The following GABRG3 variants were observed in gnomAD, a reference collection of about 807,000 sequenced individuals.
GABRG3 encodes gamma-aminobutyric acid receptor subunit gamma-3.
GABRG3 carries 25 observed loss-of-function variants against 48.8 expected under a neutral mutation model. The ratio of observed to expected loss-of-function variants is 0.51; its 90% CI spans 0.37 to 0.72. The LOEUF (loss-of-function observed/expected upper bound fraction) is 0.72, where lower values mean the gene tolerates loss of function less well. Ranked by LOEUF, GABRG3 falls within the 30% of genes least tolerant of loss-of-function variation. GABRG3 has a pLI of 0.00. For synonymous variants in GABRG3, 227 were observed against 217.6 expected (o/e 1.04, Z -0.38); for missense variants, 394 against 577.9 (o/e 0.68, Z 3.26).
rs746640486 is a variant in GABRG3, at chr15:27,520,096, A to G, written c.837A>G (p.Lys279=). 1.9e-6 allele frequency: 3 copies of G among 1,605,410 alleles called. No individual in the cohort carries two copies. In the East Asian group the frequency reaches 6.7e-5, roughly 36 times the overall value. ...CCTGGGTGTCATTTTGGATCAAAAA[A>G]GATGCTACGCCAGCAAGAACAGCAT... ...VLSWVSFWIK[K]DATPARTALG... Residue 279 remains lysine (K), a synonymous_variant, in exon 7 of 10, where the codon AAA becomes AAG. Coordinates refer to ENST00000615808, the MANE Select transcript of GABRG3 (RefSeq NM_033223.5).
intron 3 of GABRG3, among the ~76,000 whole-genome samples, chr15:27,228,904 T>C (rs143086761): frequency 1.3e-5 from 2 of 152,362 alleles, no homozygotes; most frequent in East Asian, 3.9e-4. Flanking sequence ...CACTTTTTAA[T>C]GGGGTTTTTT....
intron 5 of GABRG3, among the ~76,000 whole-genome samples, chr15:27,403,923 A>C (rs1382315952): frequency 6.4e-5 from 8 of 124,554 alleles, no homozygotes; most frequent in South Asian, 2.7e-4. Flanking sequence ...ACAAAAAAAA[A>C]AAAAACAAAA....
At chr15:27,454,284 A>G (rs146139634) in intron 5 of GABRG3, among the ~76,000 whole-genome samples, 1 of 152,194 alleles carries the variant, frequency 6.6e-6, no homozygotes, top group Non-Finnish European at 1.5e-5. Context: ...TGGATTCTGT[A>G]GTCTGTCCCT....
At chr15:26,987,513 C>T (rs1369495881) in intron 2 of GABRG3, among the ~76,000 whole-genome samples, 2 of 152,194 alleles carry the variant, frequency 1.3e-5, no homozygotes, top group East Asian at 3.9e-4. Context: ...CCAATGTAAA[C>T]GCAAGATCAT....
chr15:27,307,152 A>ATGTTTATAT (rs1892598315), intron 3 of GABRG3, among the ~76,000 whole-genome samples: 1 of 130,548 alleles, frequency 7.7e-6, no homozygotes, highest in African/African-American at 3.1e-5. Flanking sequence ...ATATATAAAC[A>ATGTTTATAT]TATAAAAACA....
intron 3 of GABRG3, among the ~76,000 whole-genome samples, chr15:27,123,345 C>G (rs1361288824): frequency 6.6e-6 from 1 of 152,008 alleles, no homozygotes; most frequent in Non-Finnish European, 1.5e-5. Flanking sequence ...GAAGTGGGGC[C>G]TTTGGGAGGT....
intron 3 of GABRG3, among the ~76,000 whole-genome samples, chr15:27,042,339 C>T (rs1315886771): frequency 6.6e-6 from 1 of 152,214 alleles, no homozygotes; most frequent in African/African-American, 2.4e-5. Context: ...GCTGGGGCCT[C>T]CCCTGCCACC....
At chr15:27,058,647 A>C (rs368124386) in intron 3 of GABRG3, among the ~76,000 whole-genome samples, 77 of 151,888 alleles carry the variant, frequency 5.1e-4, no homozygotes, top group African/African-American at 1.7e-3. Flanking sequence ...TTTCAAAGTC[A>C]AATTGCCATA....
chr15:27,271,401 G>A (rs887583913), intron 3 of GABRG3: 5 of 362,970 alleles, frequency 1.4e-5, no homozygotes, highest in African/African-American at 2.1e-5. Context: ...CGGGTCTTAC[G>A]CAGGGAGCTG....
At chr15:27,237,944 A>C (rs1325285129) in intron 3 of GABRG3, among the ~76,000 whole-genome samples, 1 of 152,226 alleles carries the variant, frequency 6.6e-6, no homozygotes, top group Non-Finnish European at 1.5e-5. Context: ...TAGACTCTGC[A>C]TGCCCTCTTG....
At chr15:27,267,312 G>A (rs921240230) in intron 3 of GABRG3, among the ~76,000 whole-genome samples, 1 of 151,838 alleles carries the variant, frequency 6.6e-6, no homozygotes, top group African/African-American at 2.4e-5. Flanking sequence ...TCACCATGTT[G>A]GCCAGGCTGG....
Position 26,996,363 on chromosome 15 carries a change from A to C in GABRG3, c.202+19213A>C, listed in dbSNP as rs572449766. On this transcript the variant is annotated intron_variant, in intron 2 of 9. Transcript: ENST00000615808. ...TGGGAATTTTATGTTTACTTTTCAG[A>C]GATAGTCTTTTTATATTAATCACTT... is the stretch of plus-strand genomic sequence containing the variant. Among the ~76,000 whole-genome samples the C allele has an allele frequency of 5.3e-5, 8 of 151,980 alleles. No individual in the cohort carries two copies. The South Asian group carries it at 1.7e-3, about 32-fold the overall frequency.
At chr15:27,290,423 G>A (rs891308886) in intron 3 of GABRG3, among the ~76,000 whole-genome samples, 24 of 152,174 alleles carry the variant, frequency 1.6e-4, no homozygotes, top group African/African-American at 5.8e-4. Flanking sequence ...GGGCAAGAAA[G>A]TGACTTTACA....
intron 3 of GABRG3, among the ~76,000 whole-genome samples, chr15:27,055,052 T>C (rs1337765547): frequency 6.6e-6 from 1 of 151,364 alleles, no homozygotes; most frequent in Non-Finnish European, 1.5e-5. Flanking sequence ...CTAATAATAG[T>C]CTTTACATTC....
At chr15:27,088,644 G>A (rs140020374) in intron 3 of GABRG3, among the ~76,000 whole-genome samples, 2,014 of 152,220 alleles carry the variant, frequency 0.013, 18 homozygotes, top group Middle Eastern at 0.02. Context: ...AGGGGGAAGC[G>A]GGCTTCTTCG....
At chr15:26,977,945 A>G (rs1445084752) in intron 2 of GABRG3, among the ~76,000 whole-genome samples, 1 of 152,210 alleles carries the variant, frequency 6.6e-6, no homozygotes, top group Non-Finnish European at 1.5e-5. Flanking sequence ...CCCCAGCAAT[A>G]TCTGAGAGAT....
chr15:27,051,182 A>G (rs1231804044), intron 3 of GABRG3, among the ~76,000 whole-genome samples: 1 of 152,244 alleles, frequency 6.6e-6, no homozygotes, highest in Admixed American at 6.5e-5. Context: ...TAGACAAGCT[A>G]CAATTGTTGA....
intron 3 of GABRG3, among the ~76,000 whole-genome samples, chr15:27,058,768 C>T (rs554211142): frequency 3.9e-5 from 6 of 152,114 alleles, no homozygotes; most frequent in South Asian, 4.2e-4. Flanking sequence ...AGTAAGTTCG[C>T]GGGCCTCATC....
chr15:27,059,438 G>A (rs534166460), intron 3 of GABRG3, among the ~76,000 whole-genome samples: 16 of 152,310 alleles, frequency 1.1e-4, no homozygotes, highest in African/African-American at 3.9e-4. Flanking sequence ...CTGAATCCCA[G>A]TTATGAGATA....
Sources: allele counts gnomAD v4.1 joint callset (sites outside exome capture counted in the v4.1 genomes callset), GRCh38; gene constraint gnomAD v4.1.1; transcripts MANE v1.5; gene names NCBI Gene and HGNC (gene_info 2026-07-23, HGNC 2026-07-21).